CEP83: variants seen among roughly 807,000 people sequenced by gnomAD.
CEP83 encodes centrosomal protein 83.
In CEP83, 70 loss-of-function variants were observed where a neutral mutation model predicts 101.9. The observed-to-expected ratio is 0.69, with a 90% CI of 0.57 to 0.84. The LOEUF is 0.84. CEP83 is among the 40% of genes least tolerant of loss of function. The pLI is 0.00. For missense variants in CEP83, 715 were observed against 787.2 expected, an observed-to-expected ratio of 0.91 and a Z score of 1.10; for synonymous variants, 264 against 267.9, an observed-to-expected ratio of 0.99 and a Z score of 0.14.
the CEP83 span, among the ~76,000 whole-genome samples, chr12:94,268,457 G>A: frequency 3.3e-5 from 5 of 152,160 alleles, no homozygotes; most frequent in Non-Finnish European, 7.3e-5. Context: ...TGAGGCAACA[G>A]TGAGACAGAA....
chr12:94,284,138 G>C, the CEP83 span, among the ~76,000 whole-genome samples: 1 of 151,304 alleles, frequency 6.6e-6, no homozygotes, highest in Non-Finnish European at 1.5e-5. Flanking sequence ...TCAAGCACTG[G>C]TCTTAGGTTT....
intron 11 of CEP83, among the ~76,000 whole-genome samples, chr12:94,358,295 C>T (rs1484923299): frequency 6.6e-6 from 1 of 152,014 alleles, no homozygotes. Flanking sequence ...TTATATAGCC[C>T]TCAAAGTCAA....
intron 1 of CEP83, among the ~76,000 whole-genome samples, chr12:94,445,031 A>C (rs1019970219): frequency 1.3e-5 from 2 of 152,220 alleles, no homozygotes; most frequent in Non-Finnish European, 2.9e-5. Flanking sequence ...GAGCCAAAAA[A>C]AAAACTTTGA....
chr12:94,286,274 CAAAT>C, the CEP83 span, among the ~76,000 whole-genome samples: 2 of 152,090 alleles, frequency 1.3e-5, no homozygotes, highest in Non-Finnish European at 2.9e-5. Context: ...AGCCATAAGG[CAAAT>C]AAACCAGAGA....
the CEP83 span, among the ~76,000 whole-genome samples, chr12:94,288,152 T>C: frequency 6.6e-6 from 1 of 152,258 alleles, no homozygotes; most frequent in Non-Finnish European, 1.5e-5. Context: ...ATCCTGGTAG[T>C]TACATTCTCT....
At chr12:94,388,182 T>C (rs1230468754) in intron 6 of CEP83, among the ~76,000 whole-genome samples, 1 of 152,136 alleles carries the variant, frequency 6.6e-6, no homozygotes. Flanking sequence ...CAACCTGGGT[T>C]CCCATCAATG....
chr12:94,371,343 A>G (rs2061298088), intron 8 of CEP83, among the ~76,000 whole-genome samples: 1 of 152,198 alleles, frequency 6.6e-6, no homozygotes, highest in Non-Finnish European at 1.5e-5. Context: ...TCTGGTGACA[A>G]AATAGTGTAA....
chr12:94,376,690 T>C (rs10649855), intron 7 of CEP83, among the ~76,000 whole-genome samples: 1,881 of 117,350 alleles, frequency 0.016, 26 homozygotes, highest in East Asian at 0.039. Flanking sequence ...TATACATATA[T>C]ACACACACAC....
At chr12:94,364,882 A>T (rs1261307775) in intron 11 of CEP83, among the ~76,000 whole-genome samples, 1 of 152,200 alleles carries the variant, frequency 6.6e-6, no homozygotes, top group Admixed American at 6.5e-5. Flanking sequence ...CTTCAAATAG[A>T]TCAGAGAACT....
chr12:94,298,897 A>G, the CEP83 span: 5 of 1,145,212 alleles, frequency 4.4e-6, no homozygotes, highest in East Asian at 7.7e-5. Flanking sequence ...TTATCTCTAT[A>G]TCAGAATCTT....
chr12:94,370,094 AC>A (rs1217767922), intron 8 of CEP83, 58 bp from the exon 9 acceptor site: 4 of 934,182 alleles, frequency 4.3e-6, no homozygotes, highest in Non-Finnish European at 6.9e-6. Flanking sequence ...TTCAATACTT[AC>A]CCCAAAACAT....
At chr12:94,316,955 G>C (rs543313138) in intron 14 of CEP83, among the ~76,000 whole-genome samples, 1 of 152,196 alleles carries the variant, frequency 6.6e-6, no homozygotes, top group African/African-American at 2.4e-5. Context: ...TGGGATTGCT[G>C]GGTCCAATGG....
chr12:94,374,094 G>C (rs530214314), intron 8 of CEP83, among the ~76,000 whole-genome samples: 2 of 152,282 alleles, frequency 1.3e-5, no homozygotes, highest in African/African-American at 4.8e-5. Flanking sequence ...TACTATACTA[G>C]ATTGCTGTTC....
the CEP83 span, chr12:94,301,169 A>G: frequency 2.8e-6 from 2 of 723,090 alleles, no homozygotes; most frequent in East Asian, 5.4e-5. Context: ...CCAGCTAAAA[A>G]GAGATAGCAA....
At chr12:94,312,622 A>G in intron 15 of CEP83, 1 of 985,428 alleles carries the variant, frequency 1.0e-6, no homozygotes, top group Non-Finnish European at 1.2e-6. Context: ...AATAGCTACA[A>G]CTGTCTTGTA....
intron 2 of CEP83, chr12:94,424,571 T>G: frequency 1.9e-6 from 3 of 1,613,458 alleles, no homozygotes; most frequent in Non-Finnish European, 2.5e-6. Context: ...ATTTGTGGGG[T>G]CCTGTTCCTG....
chr12:94,425,532 C>T (rs2065129779), intron 2 of CEP83, among the ~76,000 whole-genome samples: 8 of 152,226 alleles, frequency 5.3e-5, no homozygotes, highest in Admixed American at 5.2e-4. Flanking sequence ...GCTAAATCCT[C>T]TTTGGTTGTG....
intron 6 of CEP83, among the ~76,000 whole-genome samples, chr12:94,386,013 TA>T (rs1422623095): frequency 6.6e-6 from 1 of 152,222 alleles, no homozygotes; most frequent in African/African-American, 2.4e-5. Flanking sequence ...GTATGTAGTA[TA>T]CTGTGCCATC....
At chr12:94,367,133 A>C (rs2137004000) in intron 11 of CEP83, among the ~76,000 whole-genome samples, 1 of 152,288 alleles carries the variant, frequency 6.6e-6, no homozygotes, top group Non-Finnish European at 1.5e-5. Flanking sequence ...GTTTCAGATA[A>C]GAATTATCAA....
Sources: gnomAD v4.1 joint callset for allele counts (sites outside exome capture counted in the v4.1 genomes callset) on GRCh38, gnomAD v4.1.1 for gene constraint, MANE v1.5 for transcripts, NCBI Gene and HGNC (gene_info 2026-07-23, HGNC 2026-07-21) for gene names.